THRB: variants seen among roughly 807,000 people sequenced by gnomAD.
THRB encodes the protein thyroid hormone receptor beta.
THRB carries 12 observed loss-of-function variants against 47.8 expected under a neutral mutation model. That is an observed-to-expected ratio of 0.25 (90% confidence interval 0.16 to 0.41). THRB has a LOEUF of 0.41. Among genes scored for constraint, THRB ranks in the 10% least tolerant of loss-of-function variants. The probability of loss-of-function intolerance (pLI) is 1.00; values close to 1 mark genes in which losing one functional copy is unlikely to be tolerated. For missense variants in THRB, 348 were observed against 589.2 expected (o/e 0.59, Z 4.24); for synonymous variants, 218 against 212.2 (o/e 1.03, Z -0.24).
chr3:24,307,083 T>G (rs886500870), intron 2 of THRB, among the ~76,000 whole-genome samples: 19 of 151,990 alleles, frequency 1.3e-4, no homozygotes, highest in Admixed American at 5.2e-4. Context: ...AATGTTACTT[T>G]CTTACTTGGC....
intron 3 of THRB, among the ~76,000 whole-genome samples, chr3:24,278,089 G>T (rs946483746): frequency 6.6e-6 from 1 of 152,166 alleles, no homozygotes; most frequent in Non-Finnish European, 1.5e-5. Context: ...CCATAATAAT[G>T]TTAGAGAACA....
At chr3:24,127,398 T>A (rs2033061100) in intron 10 of THRB, 101 bp downstream of exon 10, 14 of 1,286,252 alleles carry the variant, frequency 1.1e-5, no homozygotes, top group Middle Eastern at 2.4e-4. Context: ...GTGAGCTATG[T>A]TTCTGAAGCT....
chr3:24,320,305 T>C (rs1294760936), intron 2 of THRB, among the ~76,000 whole-genome samples: 1 of 152,234 alleles, frequency 6.6e-6, no homozygotes, highest in Admixed American at 6.5e-5. Context: ...TATTGTCTGC[T>C]CTTTACCAAA....
At chr3:24,481,229 GTTTTTTTTT>G (rs746323691) in intron 1 of THRB, among the ~76,000 whole-genome samples, 49 of 55,370 alleles carry the variant, frequency 8.8e-4, no homozygotes, top group Middle Eastern at 0.018. Flanking sequence ...GTTTCTTTCT[GTTTTTTTTT>G]TTTTTTTTTT....
In THRB at chr3:24,119,302, G is replaced by T. The variant is rs904509399; in HGVS notation, c.*3582C>A. ...TGTCGATCATCACTCTCCATTTGAG[G>T]AGGAACTGTGGCTTGGTTATTCACT... On this transcript the variant is annotated 3_prime_UTR_variant, in exon 11 of 11. Transcript: ENST00000646209. 2.0e-5 allele frequency: 3 copies of T among 152,240 alleles called. No homozygotes were observed. The highest frequency in any genetic ancestry group is 4.4e-5 in the Non-Finnish European group (3 of 68,030). 9.4% of individuals were successfully genotyped at this position (152,240 alleles called of 1,614,324 possible).
intron 4 of THRB, among the ~76,000 whole-genome samples, chr3:24,221,843 T>C (rs2047191652): frequency 6.6e-6 from 1 of 152,214 alleles, no homozygotes; most frequent in South Asian, 2.1e-4. Context: ...ATTTTGTTAA[T>C]CTGGTCTCTT....
At chr3:24,425,205 T>C (rs1338655346) in intron 1 of THRB, among the ~76,000 whole-genome samples, 1 of 151,894 alleles carries the variant, frequency 6.6e-6, no homozygotes, top group East Asian at 1.9e-4. Flanking sequence ...TGACAAATTG[T>C]CCTTAAAAAA....
At chr3:24,422,473 C>T (rs545626443) in intron 1 of THRB, among the ~76,000 whole-genome samples, 29 of 151,918 alleles carry the variant, frequency 1.9e-4, no homozygotes, top group African/African-American at 7.0e-4. Flanking sequence ...AAATAAACTC[C>T]CTTTTACTTC....
chr3:24,164,930 T>A, intron 5 of THRB: 1 of 614,514 alleles, frequency 1.6e-6, no homozygotes, highest in South Asian at 2.0e-5. Context: ...AGCGTTCAAA[T>A]TCAAAGATTT....
chr3:24,133,610 T>C, intron 8 of THRB, 148 bp from the exon 9 acceptor site: 1 of 788,320 alleles, frequency 1.3e-6, no homozygotes, highest in African/African-American at 1.7e-5. Context: ...CTGTACAGTT[T>C]ACACATCTTT....
chr3:24,177,713 C>T (rs1413296324), intron 5 of THRB, among the ~76,000 whole-genome samples: 3 of 152,174 alleles, frequency 2.0e-5, no homozygotes, highest in African/African-American at 7.2e-5. Flanking sequence ...AAAATAGGAT[C>T]TACTTCATGT....
At chr3:24,296,226 C>G (rs1479494172) in intron 3 of THRB, among the ~76,000 whole-genome samples, 1 of 152,166 alleles carries the variant, frequency 6.6e-6, no homozygotes, top group Non-Finnish European at 1.5e-5. Context: ...GAGAAAAGGA[C>G]CAGCTCTCAG....
chr3:24,453,657 A>G (rs909630686), intron 1 of THRB, among the ~76,000 whole-genome samples: 21 of 152,224 alleles, frequency 1.4e-4, no homozygotes, highest in Admixed American at 5.2e-4. Context: ...TTCCGCTGCT[A>G]AAATCCACAA....
chr3:24,439,332 T>C (rs917991716), intron 1 of THRB, among the ~76,000 whole-genome samples: 5 of 152,142 alleles, frequency 3.3e-5, no homozygotes, highest in Non-Finnish European at 5.9e-5. Context: ...ACTAACAGCA[T>C]CTACTATAGG....
chr3:24,452,722 T>C (rs1256015094), intron 1 of THRB, among the ~76,000 whole-genome samples: 1 of 152,026 alleles, frequency 6.6e-6, no homozygotes, highest in Non-Finnish European at 1.5e-5. Context: ...ATCACTCAAA[T>C]AGTAAATGGA....
intron 5 of THRB, among the ~76,000 whole-genome samples, chr3:24,157,094 G>A (rs17014235): frequency 1.3e-5 from 2 of 152,142 alleles, no homozygotes; most frequent in Non-Finnish European, 1.5e-5. Context: ...ACTTGAAACA[G>A]CATTAACTTT....
intron 4 of THRB, among the ~76,000 whole-genome samples, chr3:24,202,587 G>A (rs1446598509): frequency 1.3e-5 from 2 of 152,164 alleles, no homozygotes; most frequent in African/African-American, 2.4e-5. Flanking sequence ...TTGTTTCTTA[G>A]CTGCCATCTA....
chr3:24,178,395 G>C (rs1408676360), intron 5 of THRB, among the ~76,000 whole-genome samples: 1 of 152,138 alleles, frequency 6.6e-6, no homozygotes, highest in Non-Finnish European at 1.5e-5. Context: ...GGAGGCCAAG[G>C]TGGGTAAATC....
At chr3:24,225,249 G>A (rs552847075) in intron 4 of THRB, among the ~76,000 whole-genome samples, 2 of 152,144 alleles carry the variant, frequency 1.3e-5, no homozygotes, top group Non-Finnish European at 2.9e-5. Flanking sequence ...CACATGGTGG[G>A]AAATTTTGGG....
Sources: allele counts gnomAD v4.1 joint callset (sites outside exome capture counted in the v4.1 genomes callset), GRCh38; gene constraint gnomAD v4.1.1; transcripts MANE v1.5; gene names NCBI Gene and HGNC (gene_info 2026-07-23, HGNC 2026-07-21).